ZNF687: variants seen among roughly 807,000 people sequenced by gnomAD.
The protein encoded by ZNF687 is zinc finger protein 687.
A neutral mutation model predicts 71.8 loss-of-function variants in ZNF687; 13 were observed. The ratio of observed to expected loss-of-function variants is 0.18; its 90% CI spans 0.12 to 0.29. The LOEUF is 0.29. ZNF687 is among the 10% of genes least tolerant of loss of function. ZNF687 has a pLI of 1.00. For missense variants in ZNF687, 1,412 were observed against 1,625.6 expected (o/e 0.87, Z 2.26); for synonymous variants, 673 against 641.6 (o/e 1.05, Z -0.74).
At position 151,288,053 on chromosome 1, in the gene ZNF687, A is replaced by G; in HGVS notation, c.1762A>G (p.Lys588Glu). 1 of 1,614,070 alleles carries G rather than the reference A, an allele frequency of 6.2e-7. No individual in the cohort carries two copies. Among genetic ancestry groups the G allele is most frequent in the Non-Finnish European group, 8.5e-7 (1 of 1,180,038 alleles). The change falls in exon 2 of 9, where the codon AAG becomes GAG. Residue 588 changes from lysine (K) to glutamate (E), a missense_variant. Transcript: ENST00000336715. ...CCTGCATGCACGTGAACACAAGGAC[A>G]AGGGGCTCGTCATGCAGTGCTCACA... ...LLLHAREHKDKGLVMQCSHLV... is the reference protein window; with the variant it reads ...LLLHAREHKDEGLVMQCSHLV...
rs201463227 is a variant in ZNF687 at position 151,286,568 on chromosome 1, G to T, written c.277G>T (p.Glu93Ter). The T allele has an allele frequency of 6.2e-7, 1 of 1,614,074 alleles. No homozygotes were observed. The highest frequency in any genetic ancestry group is 1.3e-5 in the African/African-American group (1 of 74,934). ...CATTGTCAAGAACACTGTGTGTCCC[G>T]AGCAGTCTGAGGCCCTGGCTGGAGG... The part of the protein sequence containing the change: ...SVIVKNTVCP[E>*]QSEALAGGSA... Residue 93 changes from glutamate (E) to a stop codon, truncating the protein, a stop_gained, in exon 2 of 9, where the codon GAG becomes TAG. Coordinates refer to ENST00000336715, the MANE Select transcript of ZNF687 (RefSeq NM_020832.3). LOFTEE classifies it high-confidence loss of function.
At position 151,286,903 on chromosome 1, in the gene ZNF687, G is replaced by T; in HGVS notation, c.612G>T (p.Glu204Asp). 6.2e-7 allele frequency: 1 copy of T among 1,613,334 alleles called. No individual in the cohort carries two copies. Among genetic ancestry groups the T allele is most frequent in the Non-Finnish European group, 8.5e-7 (1 of 1,179,552 alleles). ...PFPSSFELAQ[E>D]NGPGMQPPVS... The stretch of plus-strand genomic sequence containing the variant: ...CCTCTTCCTTTGAGCTGGCCCAGGA[G>T]AATGGCCCAGGCATGCAGCCACCTG... Residue 204 changes from glutamate (E) to aspartate (D), a missense_variant, in exon 2 of 9, where the codon GAG becomes GAT. Glu to Asp is a conservative substitution (Grantham distance 45). Coordinates refer to ENST00000336715, the MANE Select transcript of ZNF687 (RefSeq NM_020832.3).
At chr1:151,282,156 T>C (rs1693736812), upstream of ZNF687, 1 of 1,182,116 alleles carries the variant, frequency 8.5e-7, no homozygotes, top group Admixed American at 3.2e-5. Flanking sequence ...GCGGCAGTAT[T>C]TAGGGCCAAC....
rs1301958003 is a variant in ZNF687, at chr1:151,288,693, C to A, written c.2281C>A (p.Arg761Ser). 1.2e-6 allele frequency: 2 copies of A among 1,612,796 alleles called. No homozygotes were observed. The highest frequency in any genetic ancestry group is 1.7e-6 in the Non-Finnish European group (2 of 1,179,320). ...LREACLHVSRRVGYRCPSCSV... is the reference protein window; with the variant it reads ...LREACLHVSRSVGYRCPSCSV... The stretch of plus-strand genomic sequence containing the variant: ...GGAGGCCTGTCTGCACGTCTCTCGC[C>A]GTGTAGGATACAGGTGCCTCGGACC... The change falls in exon 3 of 9, where the codon CGT (arginine) becomes AGT (serine). Residue 761 changes from arginine (R) to serine (S), a missense_variant. Coordinates refer to ENST00000336715, the MANE Select transcript of ZNF687 (RefSeq NM_020832.3).
At position 151,288,069 on chromosome 1, in the gene ZNF687, A is replaced by T; in HGVS notation, c.1778A>T (p.Gln593Leu). Reference sequence around the variant, plus strand: ...CACAAGGACAAGGGGCTCGTCATGCAGTGCTCACATTTGGTCATGAGGCCT... The same window carrying T: ...CACAAGGACAAGGGGCTCGTCATGCTGTGCTCACATTTGGTCATGAGGCCT... The part of the protein sequence containing the change: ...REHKDKGLVM[Q>L]CSHLVMRPVA... The change falls in exon 2 of 9, where the codon CAG (glutamine) becomes CTG (leucine). Residue 593 changes from glutamine (Q) to leucine (L), a missense_variant. By Grantham distance (113) the Gln-to-Leu change is moderately radical. This residue lies in a region of ZNF687 where 207 missense variants were observed against 239.2 expected (regional missense o/e 0.87). Coordinates refer to ENST00000336715, the MANE Select transcript of ZNF687 (RefSeq NM_020832.3). 1 of 1,614,044 alleles carries T rather than the reference A, an allele frequency of 6.2e-7. No individual in the cohort carries two copies. The highest frequency in any genetic ancestry group is 8.5e-7 in the Non-Finnish European group (1 of 1,180,036).
rs776728631 is a variant in ZNF687, at chr1:151,287,188, AG to A, written c.899del (p.Gly300GlufsTer47). On this transcript the variant is annotated frameshift_variant, in exon 2 of 9. Transcript: ENST00000336715. LOFTEE classifies it high-confidence loss of function. The surrounding 1 kb of genome is among the most constrained non-coding windows in gnomAD (Gnocchi z 5.0). ...AGGGGCCAGTGGACAAGTCTTCCCC[AG>A]GAAGTCCCCAGAGTCCCTCTAGTGG... is the stretch of plus-strand genomic sequence containing the variant. ...DEGPVDKSSP[G>X]SPQSPSSGAE... 1 of 1,614,152 alleles carries A rather than the reference AG, an allele frequency of 6.2e-7. No individual in the cohort carries two copies. Among genetic ancestry groups the A allele is most frequent in the Non-Finnish European group, 8.5e-7 (1 of 1,180,000 alleles).
chr1:151,285,848 T>G (rs587740571), intron 1 of ZNF687: 1 of 153,970 alleles, frequency 6.5e-6, no homozygotes, highest in South Asian at 2.0e-4. Context: ...TAGCTGCGAT[T>G]ACAGGCATGT....
In ZNF687 at chr1:151,288,239, G is replaced by A. The variant is rs138210991; in HGVS notation, c.1948G>A (p.Ala650Thr). ...ITSSAITTVAAEAPVLPLSTE... is the reference protein window; with the variant it reads ...ITSSAITTVATEAPVLPLSTE... ...CTCCTCTGCCATTACTACAGTTGCT[G>A]CTGAGGCCCCTGTCCTGCCGCTCTC... Residue 650 changes from alanine to threonine, a missense_variant, in exon 2 of 9, where the codon GCT becomes ACT. Around this residue, in one of 8 missense-constraint regions of ZNF687, gnomAD observed 207 missense variants for 239.2 expected, o/e 0.87. Coordinates refer to ENST00000336715, the MANE Select transcript of ZNF687 (RefSeq NM_020832.3). 5.0e-4 allele frequency: 802 copies of A among 1,613,472 alleles called. No homozygotes were observed. The highest frequency in any genetic ancestry group is 6.4e-4 in the Non-Finnish European group (754 of 1,179,996).
In ZNF687 at chr1:151,288,456, T is replaced by C. The variant is rs756956881; in HGVS notation, c.2115+50T>C. On this transcript the variant is annotated intron_variant, in intron 2 of 8. Coordinates refer to ENST00000336715, the MANE Select transcript of ZNF687 (RefSeq NM_020832.3). ...TGTGGGGACAGGATCTAGGAAGGCG[T>C]TGGGGGCTTGGTTAGAAGTAATGGA... is the stretch of plus-strand genomic sequence containing the variant. 36 of 1,581,424 alleles carry C rather than the reference T, an allele frequency of 2.3e-5. No individual in the cohort carries two copies. The South Asian group carries it at 3.2e-4, about 14-fold the overall frequency.
chr1:151,289,754 A>T lies in ZNF687; in HGVS notation c.2711A>T (p.Glu904Val). ...AGGALLTPKT[E>V]PEELAVSQGG... is the part of the protein sequence containing the mutation. Reference sequence around the variant, plus strand: ...GGTGCCCTGCTGACCCCCAAGACTGAGCCTGAGGAGCTGGCTGTTTCTCAG... The same window carrying T: ...GGTGCCCTGCTGACCCCCAAGACTGTGCCTGAGGAGCTGGCTGTTTCTCAG... Residue 904 changes from glutamate (E) to valine (V), a missense_variant, in exon 6 of 9, where the codon GAG becomes GTG. Physicochemically the swap from Glu to Val is moderately radical, Grantham distance 121. Transcript: ENST00000336715. 6.4e-7 allele frequency: 1 copy of T among 1,559,692 alleles called. No homozygotes were observed. Among genetic ancestry groups the T allele is most frequent in the Non-Finnish European group, 8.7e-7 (1 of 1,151,204 alleles).
In ZNF687 at chr1:151,286,912, A is replaced by C. The variant is rs758908071; in HGVS notation, c.621A>C (p.Pro207=). 5.0e-6 allele frequency: 8 copies of C among 1,612,928 alleles called. No individual in the cohort carries two copies. The African/African-American group carries it at 1.1e-4, about 22-fold the overall frequency. ...TTGAGCTGGCCCAGGAGAATGGCCCAGGCATGCAGCCACCTGTTTCTTCCC... is the reference window on the plus strand; with the variant it reads ...TTGAGCTGGCCCAGGAGAATGGCCCCGGCATGCAGCCACCTGTTTCTTCCC... ...SSFELAQENG[P]GMQPPVSSPP... Residue 207 remains proline (P), a synonymous_variant, in exon 2 of 9, where the codon CCA becomes CCC. Coordinates refer to ENST00000336715, the MANE Select transcript of ZNF687 (RefSeq NM_020832.3).
At chr1:151,283,210 TC>T (rs1187095977) in intron 1 of ZNF687, 2 of 985,186 alleles carry the variant, frequency 2.0e-6, no homozygotes, top group Non-Finnish European at 2.4e-6. Flanking sequence ...GCGCCAGCCC[TC>T]GGCAGATGGC....
rs760226026 is a variant in ZNF687, at chr1:151,290,923, G to A, written c.3428G>A (p.Cys1143Tyr). Residue 1143 changes from cysteine to tyrosine, a missense_variant, in exon 9 of 9, where the codon TGC becomes TAC. Transcript: ENST00000336715. The stretch of plus-strand genomic sequence containing the variant: ...CAGCAGTGCCTCGACTGTGGCTTGT[G>A]CTTTGCCTCCCCTGGCTCCCTGAGC... ...GAQQCLDCGL[C>Y]FASPGSLSRH... 4.3e-6 allele frequency: 7 copies of A among 1,613,734 alleles called. No individual in the cohort carries two copies. In the Admixed American group the frequency reaches 1.2e-4, roughly 27 times the overall value.
rs1054484042 is a variant in ZNF687 at position 151,289,915 on chromosome 1, G to T, written c.2872G>T (p.Gly958Trp). 2 of 1,557,452 alleles carry T rather than the reference G, an allele frequency of 1.3e-6. No homozygotes were observed. The highest frequency in any genetic ancestry group is 1.7e-6 in the Non-Finnish European group (2 of 1,148,450). The change falls in exon 6 of 9, where the codon GGG (glycine) becomes TGG (tryptophan). Residue 958 changes from glycine to tryptophan, a missense_variant. By Grantham distance (184) the Gly-to-Trp change is radical. This residue lies in a region of ZNF687 where 135 missense variants were observed against 104.1 expected (regional missense o/e 1.30). Transcript: ENST00000336715. Reference protein sequence around the residue: ...LGSKGLKGGGGGPGGWTCGLC... With the variant: ...LGSKGLKGGGWGPGGWTCGLC... ...GAGCAAAGGCCTCAAGGGTGGGGGT[G>T]GGGGGCCTGGAGGCTGGACCTGTGG...
In ZNF687 at chr1:151,289,230, CCTCTA is replaced by C; in HGVS notation, c.2434_2438del (p.Tyr812ProfsTer46). ...AGTCTGGGCCAAGTGCCCATGCCCACCTCTACTCCCAGCATCCCAGCTTCCAAACT... is the reference window on the plus strand; with the variant it reads ...AGTCTGGGCCAAGTGCCCATGCCCACCTCCCAGCATCCCAGCTTCCAAACT... On this transcript the variant is annotated frameshift_variant, in exon 4 of 9. Transcript: ENST00000336715. LOFTEE classifies it high-confidence loss of function. 6.2e-7 allele frequency: 1 copy of C among 1,614,118 alleles called. No homozygotes were observed. The highest frequency in any genetic ancestry group is 8.5e-7 in the Non-Finnish European group (1 of 1,180,038).
intron 1 of ZNF687, 92 bp downstream of exon 1, chr1:151,282,487 A>G: frequency 1.1e-6 from 1 of 895,358 alleles, no homozygotes; most frequent in Non-Finnish European, 1.3e-6. Flanking sequence ...TTGGTCAACT[A>G]CCCCCTTCTC....
At position 151,291,831 on chromosome 1, in the gene ZNF687, A is replaced by G. The variant is rs926075140; in HGVS notation, c.*622A>G. 2 of 152,494 alleles carry G rather than the reference A, an allele frequency of 1.3e-5. No individual in the cohort carries two copies. The highest frequency in any genetic ancestry group is 2.9e-5 in the Non-Finnish European group (2 of 68,056). The allele number at this position is 152,494 out of a possible 1,614,324, so 9.4% of individuals were successfully genotyped here. A position where few individuals can be genotyped will look rare whatever the true frequency, so the allele number is the denominator to read the frequency against. ...TCAGGAATCCTTTATTCTTGTAGTA[A>G]TAATAATACTAACAAACAGTTGGGG... On this transcript the variant is annotated 3_prime_UTR_variant, in exon 9 of 9. Transcript: ENST00000336715.
At chr1:151,283,048 C>A in intron 1 of ZNF687, 2 of 945,754 alleles carry the variant, frequency 2.1e-6, no homozygotes, top group Non-Finnish European at 2.5e-6. Context: ...CCAGGTGCTG[C>A]GCAGCAGCTC....
rs1000187800 is a variant in ZNF687, at chr1:151,287,873, C to G, written c.1582C>G (p.Leu528Val). Residue 528 changes from leucine (L) to valine (V), a missense_variant, in exon 2 of 9, where the codon CTG (leucine) becomes GTG (valine). This residue lies in a region of ZNF687 where 50 missense variants were observed against 106.6 expected (regional missense o/e 0.47). Transcript: ENST00000336715. This position sits in a 1 kb window ranked among gnomAD's most constrained non-coding sequence, Gnocchi z 5.0. ...LSPPAEAGLA[L>V]PPTGYRCLEC... Reference sequence around the variant, plus strand: ...CCCACCAGCTGAGGCTGGGCTGGCCCTGCCTCCCACCGGCTACCGCTGCCT... The same window carrying G: ...CCCACCAGCTGAGGCTGGGCTGGCCGTGCCTCCCACCGGCTACCGCTGCCT... 6.2e-7 allele frequency: 1 copy of G among 1,613,976 alleles called. No homozygotes were observed. The highest frequency in any genetic ancestry group is 1.3e-5 in the African/African-American group (1 of 75,030).
Sources: gnomAD v4.1 joint callset for allele counts on GRCh38, gnomAD v4.1.1 for gene constraint, gnomAD v4.1.1 regional missense constraint, Gnocchi (gnomAD v3.1) non-coding constraint, MANE v1.5 for transcripts, NCBI Gene and HGNC (gene_info 2026-07-23, HGNC 2026-07-21) for gene names.